Variants in CCDC171 observed in about 807,000 individuals in gnomAD.
The protein encoded by CCDC171 is coiled-coil domain containing 171, also known as coiled-coil domain-containing protein 171.
CCDC171 carries 177 observed loss-of-function variants against 168.2 expected under a neutral mutation model. The ratio of observed to expected loss-of-function variants is 1.05; its 90% confidence interval spans 0.93 to 1.19. CCDC171 has a LOEUF of 1.19. Among genes scored for constraint, CCDC171 ranks in the 50% most tolerant of loss-of-function variants. The pLI is 0.00. For synonymous variants in CCDC171, 687 were observed against 540.8 expected, an observed-to-expected ratio of 1.27 and a Z score of -3.75; for missense variants, 1,991 against 1,539.0, an observed-to-expected ratio of 1.29 and a Z score of -4.91.
chr9:15,620,950 C>A (rs2044455652), intron 6 of CCDC171, among the ~76,000 whole-genome samples: 1 of 151,698 alleles, frequency 6.6e-6, no homozygotes, highest in African/African-American at 2.4e-5. Flanking sequence ...TTTTTTTTAG[C>A]AGTAAAGTAT....
At chr9:16,028,761 T>C (rs1833319048) in intron 6 of CCDC171, among the ~76,000 whole-genome samples, 1 of 152,214 alleles carries the variant, frequency 6.6e-6, no homozygotes, top group African/African-American at 2.4e-5. Flanking sequence ...AAGGCTGTGC[T>C]TCCCGTGGGC....
intron 24 of CCDC171, among the ~76,000 whole-genome samples, chr9:15,903,389 T>A (rs1434567180): frequency 6.6e-6 from 1 of 152,154 alleles, no homozygotes; most frequent in Non-Finnish European, 1.5e-5. Context: ...TCCGCTGTTC[T>A]GCAGCCTCCA....
intron 17 of CCDC171, among the ~76,000 whole-genome samples, chr9:15,745,168 A>G (rs933063409): frequency 3.3e-5 from 5 of 152,240 alleles, no homozygotes; most frequent in African/African-American, 1.2e-4. Context: ...GGTTAAAAAT[A>G]TATTGAAGAA....
intron 3 of CCDC171, among the ~76,000 whole-genome samples, chr9:16,013,074 G>T (rs2987086): frequency 2.0e-5 from 3 of 151,900 alleles, no homozygotes; most frequent in Admixed American, 6.6e-5. Flanking sequence ...CACTCAAAAT[G>T]TCCCCAACTC....
chr9:15,558,411 A>AC (rs1271372208), intron 1 of CCDC171, among the ~76,000 whole-genome samples: 2 of 151,616 alleles, frequency 1.3e-5, no homozygotes, highest in African/African-American at 4.8e-5. Context: ...CAATTTCAGA[A>AC]CCTGTTATTG....
chr9:15,752,003 T>C lies in CCDC171; in HGVS notation c.2671+6372T>C, dbSNP rs1288883264. On this transcript the variant is annotated intron_variant, in intron 18 of 25. Coordinates refer to ENST00000380701, the MANE Select transcript of CCDC171 (RefSeq NM_173550.4). ...CCGAATGGGAGAAAATTTTTGCAAT[T>C]TATCCATCTGACAAAGGGCTAATAT... Among the ~76,000 whole-genome samples, 3 of 152,022 alleles carry C rather than the reference T, an allele frequency of 2.0e-5. No individual in the cohort carries two copies. The East Asian group carries it at 5.8e-4, about 29-fold the overall frequency.
At chr9:15,621,007 C>T (rs2044460232) in intron 6 of CCDC171, among the ~76,000 whole-genome samples, 1 of 152,158 alleles carries the variant, frequency 6.6e-6, no homozygotes, top group Non-Finnish European at 1.5e-5. Flanking sequence ...GCTCTCTCGC[C>T]CAGGCTGGAG....
chr9:15,847,013 A>C (rs1196973940), intron 22 of CCDC171, among the ~76,000 whole-genome samples, 166 bp downstream of exon 22: 1 of 152,140 alleles, frequency 6.6e-6, no homozygotes, highest in East Asian at 1.9e-4. Flanking sequence ...AACTCTTAAC[A>C]TACTAAATGT....
intron 21 of CCDC171, among the ~76,000 whole-genome samples, chr9:15,837,925 C>A (rs1463347953): frequency 3.9e-5 from 6 of 152,212 alleles, no homozygotes; most frequent in Admixed American, 2.0e-4. Context: ...CAAAACAACA[C>A]AACTTAATAA....
chr9:15,915,662 G>A (rs1824400599), intron 24 of CCDC171, among the ~76,000 whole-genome samples: 2 of 152,082 alleles, frequency 1.3e-5, no homozygotes. Context: ...TGGAATAAAA[G>A]TGGCAAAAAG....
intron 3 of CCDC171, among the ~76,000 whole-genome samples, chr9:15,575,491 C>T (rs1371910669): frequency 6.6e-6 from 1 of 151,944 alleles, no homozygotes; most frequent in East Asian, 1.9e-4. Flanking sequence ...CTTCTTTTAG[C>T]CAAAAAATAC....
At chr9:16,076,147 T>C in the CCDC171 span, among the ~76,000 whole-genome samples, 60 of 152,180 alleles carry the variant, frequency 3.9e-4, no homozygotes. Context: ...TTATCAGTTC[T>C]TTACCCAGCA....
intron 4 of CCDC171, among the ~76,000 whole-genome samples, chr9:15,579,605 C>G (rs577164833): frequency 2.6e-5 from 4 of 152,276 alleles, no homozygotes; most frequent in African/African-American, 9.6e-5. Context: ...TCACTCATAA[C>G]AAGCACCCAG....
At chr9:16,048,491 C>T (rs753731709) in intron 1 of CCDC171, among the ~76,000 whole-genome samples, 60 of 152,156 alleles carry the variant, frequency 3.9e-4, no homozygotes, top group Non-Finnish European at 8.8e-5. Context: ...ACTTCAGTAA[C>T]AGTGACAACC....
At chr9:15,641,889 C>T (rs568510662) in intron 7 of CCDC171, among the ~76,000 whole-genome samples, 12 of 152,258 alleles carry the variant, frequency 7.9e-5, no homozygotes, top group East Asian at 3.9e-4. Context: ...TTTGGCTAGG[C>T]GTAGTGGCTC....
intron 3 of CCDC171, among the ~76,000 whole-genome samples, chr9:15,995,141 A>C (rs60530829): frequency 6.6e-6 from 1 of 152,074 alleles, no homozygotes; most frequent in African/African-American, 2.4e-5. Context: ...TTCAAGAAAA[A>C]GTTTTTATAT....
intron 23 of CCDC171, among the ~76,000 whole-genome samples, chr9:15,863,423 A>G (rs1327662289): frequency 6.6e-6 from 1 of 151,998 alleles, no homozygotes; most frequent in Admixed American, 6.6e-5. Flanking sequence ...AGGGTTTCCT[A>G]TTCCACCATC....
chr9:15,868,400 A>G (rs930684234), intron 23 of CCDC171, among the ~76,000 whole-genome samples: 1 of 151,928 alleles, frequency 6.6e-6, no homozygotes, highest in Non-Finnish European at 1.5e-5. Flanking sequence ...GGGATCCTCC[A>G]TTATGACATT....
At chr9:16,097,347 G>A in the CCDC171 span, among the ~76,000 whole-genome samples, 1 of 152,222 alleles carries the variant, frequency 6.6e-6, no homozygotes, top group African/African-American at 2.4e-5. Flanking sequence ...TAGTGTCTAA[G>A]AGAAAAAGCT....
Sources: allele counts gnomAD v4.1 joint callset (sites outside exome capture counted in the v4.1 genomes callset), GRCh38; gene constraint gnomAD v4.1.1; transcripts MANE v1.5; gene names NCBI Gene and HGNC (gene_info 2026-07-23, HGNC 2026-07-21).